C2CD3: variants seen among roughly 807,000 people sequenced by gnomAD.
C2CD3 encodes the protein C2 domain-containing protein 3.
C2CD3 carries 148 observed loss-of-function variants against 234.0 expected under a neutral mutation model. The observed-to-expected ratio is 0.63, with a 90% CI of 0.55 to 0.72. The LOEUF is 0.72. Among genes scored for constraint, C2CD3 ranks in the 30% least tolerant of loss-of-function variants. The probability of loss-of-function intolerance (pLI) is 0.00; values close to 1 mark genes in which losing one functional copy is unlikely to be tolerated. For synonymous variants in C2CD3, 1,000 were observed against 1,035.4 expected, an observed-to-expected ratio of 0.97 and a Z score of 0.66; for missense variants, 2,577 against 2,811.5, an observed-to-expected ratio of 0.92 and a Z score of 1.89.
chr11:74,052,987 G>GCTCT (rs756843861), intron 26 of C2CD3, among the ~76,000 whole-genome samples: 13 of 152,204 alleles, frequency 8.5e-5, no homozygotes, highest in Non-Finnish European at 1.5e-4. Flanking sequence ...TAGACTTAGA[G>GCTCT]GAGAGATTTA....
chr11:74,039,224 A>G (rs1468423100), intron 29 of C2CD3, among the ~76,000 whole-genome samples: 1 of 152,098 alleles, frequency 6.6e-6, no homozygotes, highest in African/African-American at 2.4e-5. Flanking sequence ...ATGTAGAACC[A>G]TGGCATGTCA....
At chr11:74,170,644 T>A in intron 1 of C2CD3, 94 bp downstream of exon 1, 1 of 1,433,770 alleles carries the variant, frequency 7.0e-7, no homozygotes, top group Non-Finnish European at 9.8e-7. Flanking sequence ...ACGTCCCTTT[T>A]CTTGTTTATC....
intron 11 of C2CD3, among the ~76,000 whole-genome samples, chr11:74,112,427 G>C (rs554948198): frequency 6.6e-6 from 1 of 151,294 alleles, no homozygotes; most frequent in African/African-American, 2.4e-5. Flanking sequence ...AAAAGCCTAA[G>C]CAACAAAAGA....
chr11:74,100,500 G>A (rs1174263632), intron 15 of C2CD3, 25 bp downstream of exon 15: 1 of 1,587,522 alleles, frequency 6.3e-7, no homozygotes. Flanking sequence ...GCACAATAAA[G>A]AATACTCCAA....
At position 74,078,731 on chromosome 11, in the gene C2CD3, A is replaced by G. The variant is rs1403538506; in HGVS notation, c.4001-14T>C. ...ATCCTGTGATCCCTTACGGGAGAAA[A>G]TAAAGATTCTCAATTATAGTCTTAA... On this transcript the variant is annotated splice_polypyrimidine_tract_variant and intron_variant, in intron 22 of 32. Transcript: ENST00000334126. The G allele has an allele frequency of 1.3e-6, 2 of 1,566,412 alleles. No individual in the cohort carries two copies. The highest frequency in any genetic ancestry group is 1.7e-6 in the Non-Finnish European group (2 of 1,161,484).
Position 74,042,360 on chromosome 11 carries a change from CT to C in C2CD3, c.5496-143del, listed in dbSNP as rs1051122442. 46 of 830,798 alleles carry C rather than the reference CT, an allele frequency of 5.5e-5. No homozygotes were observed. The African/African-American group carries it at 7.1e-4, about 13-fold the overall frequency. The allele number at this position is 830,798 out of a possible 1,614,324, so 51.5% of individuals were successfully genotyped here. ...ACTATCACAGTTCTGGCCTTATCAT[CT>C]CTTGCTTGGATTATAAATGTCTCCA... On this transcript the variant is annotated intron_variant, in intron 28 of 32. Transcript: ENST00000334126.
chr11:74,168,363 C>CT lies in C2CD3; in HGVS notation c.305dup (p.Phe103ValfsTer20). 1.2e-6 allele frequency: 2 copies of CT among 1,613,870 alleles called. No homozygotes were observed. Among genetic ancestry groups the CT allele is most frequent in the Non-Finnish European group, 1.7e-6 (2 of 1,179,738 alleles). On this transcript the variant is annotated frameshift_variant, in exon 2 of 33. Coordinates refer to ENST00000334126, the MANE Select transcript of C2CD3 (RefSeq NM_001286577.2). LOFTEE classifies it high-confidence loss of function. ...ACATACCTGTTAGATAAGAGGTAAA[C>CT]TGTTTTGGACCACAACGAATAGCGT...
chr11:74,154,965 T>C (rs1003930852), intron 3 of C2CD3, among the ~76,000 whole-genome samples: 7 of 152,220 alleles, frequency 4.6e-5, no homozygotes, highest in African/African-American at 1.4e-4. Flanking sequence ...ATAAACACCT[T>C]CAATTTTAAG....
At chr11:74,140,414 G>A (rs1160305054) in intron 3 of C2CD3, among the ~76,000 whole-genome samples, 1 of 152,040 alleles carries the variant, frequency 6.6e-6, no homozygotes, top group Non-Finnish European at 1.5e-5. Context: ...TACTTAATCT[G>A]TATCTATCCA....
rs1955157057 is a variant in C2CD3 at position 74,078,119 on chromosome 11, G to A, written c.4599C>T (p.Val1533=). ...TGAATCAGGCTCCTCACTTACCACT[G>A]ACAGTTAGCGTCCTCGCTGACCTCT... ...LGERSARTLT[V]SGVYPLFGRN... The change falls in exon 23 of 33, where the codon GTC becomes GTT. Residue 1533 remains valine (V), a synonymous_variant. Transcript: ENST00000334126. 1 of 1,611,930 alleles carries A rather than the reference G, an allele frequency of 6.2e-7. No homozygotes were observed. Among genetic ancestry groups the A allele is most frequent in the East Asian group, 2.2e-5 (1 of 44,816 alleles).
chr11:74,122,931 T>G, intron 8 of C2CD3, 57 bp downstream of exon 8: 1 of 979,954 alleles, frequency 1.0e-6, no homozygotes, highest in Non-Finnish European at 1.4e-6. Flanking sequence ...CTGCAGCTAC[T>G]AATATTATTA....
chr11:74,072,957 T>C (rs760743105), intron 24 of C2CD3, among the ~76,000 whole-genome samples: 4 of 152,060 alleles, frequency 2.6e-5, no homozygotes, highest in African/African-American at 9.7e-5. Flanking sequence ...GGCCTTTATA[T>C]TGGGAAAGCC....
intron 24 of C2CD3, among the ~76,000 whole-genome samples, chr11:74,063,719 CAG>C (rs1954364860): frequency 6.6e-6 from 1 of 152,152 alleles, no homozygotes; most frequent in South Asian, 2.1e-4. Context: ...TGGCACAAGA[CAG>C]GGATGCCCTC....
At chr11:74,102,053 G>A (rs1387450407) in intron 14 of C2CD3, among the ~76,000 whole-genome samples, 2 of 152,184 alleles carry the variant, frequency 1.3e-5, no homozygotes, top group Non-Finnish European at 2.9e-5. Context: ...GAAGGAGGGT[G>A]AAGGTTTGAA....
At chr11:74,034,536 T>C in intron 30 of C2CD3, 1 of 1,612,866 alleles carries the variant, frequency 6.2e-7, no homozygotes, top group South Asian at 1.1e-5. Flanking sequence ...GACTATCTGC[T>C]CATGCTCAGG....
intron 28 of C2CD3, among the ~76,000 whole-genome samples, chr11:74,045,733 G>A (rs893338508): frequency 4.0e-5 from 6 of 151,798 alleles, no homozygotes; most frequent in African/African-American, 1.2e-4. Flanking sequence ...CACTATGCCT[G>A]GCTAATTTTT....
chr11:74,156,575 C>A (rs530815357), intron 3 of C2CD3, among the ~76,000 whole-genome samples: 1 of 151,742 alleles, frequency 6.6e-6, no homozygotes, highest in South Asian at 2.1e-4. Flanking sequence ...CTCAGGAGGC[C>A]GAGGCAGGAG....
intron 27 of C2CD3, among the ~76,000 whole-genome samples, chr11:74,048,770 C>T (rs900086198): frequency 2.6e-5 from 4 of 152,130 alleles, no homozygotes; most frequent in Non-Finnish European, 5.9e-5. Flanking sequence ...TGCTTTCATC[C>T]AGTATTTATG....
At chr11:74,117,013 CAT>C (rs1245519702) in intron 9 of C2CD3, among the ~76,000 whole-genome samples, 5 of 110,120 alleles carry the variant, frequency 4.5e-5, no homozygotes, top group African/African-American at 7.3e-5. Context: ...TATATATACA[CAT>C]ATATACGTGT....
Sources: gnomAD v4.1 joint callset for allele counts (sites outside exome capture counted in the v4.1 genomes callset) on GRCh38, gnomAD v4.1.1 for gene constraint, MANE v1.5 for transcripts, NCBI Gene and HGNC (gene_info 2026-07-23, HGNC 2026-07-21) for gene names.